The following AFG3L2 variants were observed in gnomAD, a reference collection of about 807,000 sequenced individuals.
AFG3L2 encodes the protein mitochondrial inner membrane m-AAA protease component AFG3L2.
In AFG3L2, 54 loss-of-function variants were observed where a neutral mutation model predicts 94.5. The ratio of observed to expected loss-of-function variants is 0.57; its 90% confidence interval spans 0.46 to 0.72. The LOEUF (loss-of-function observed/expected upper bound fraction) is 0.72. Ranked by LOEUF, AFG3L2 falls within the 30% of genes least tolerant of loss-of-function variation. The pLI is 0.00. For missense variants in AFG3L2, 754 were observed against 994.9 expected, an observed-to-expected ratio of 0.76 and a Z score of 3.26; for synonymous variants, 377 against 365.5, an observed-to-expected ratio of 1.03 and a Z score of -0.36.
intron 1 of AFG3L2, among the ~76,000 whole-genome samples, chr18:12,375,144 C>T (rs1909106990): frequency 6.6e-6 from 1 of 151,614 alleles, no homozygotes; most frequent in African/African-American, 2.4e-5. Context: ...AAGGACCTAC[C>T]ACACGGCAGC....
chr18:12,328,975 ATTT>A lies in AFG3L2; in HGVS notation c.*587_*589del, dbSNP rs1168480963. On this transcript the variant is annotated 3_prime_UTR_variant, in exon 17 of 17. Transcript: ENST00000269143. ...CAGAAAAGTACAGTGTTGACATTTT[ATTT>A]TTTATGTAAAGAAGCCATATTTACA... 1 of 575,152 alleles carries A rather than the reference ATTT, an allele frequency of 1.7e-6. No homozygotes were observed. The highest frequency in any genetic ancestry group is 1.9e-5 in the African/African-American group (1 of 53,818). 35.6% of individuals were successfully genotyped at this position (575,152 alleles called of 1,614,324 possible). A position where few individuals can be genotyped will look rare whatever the true frequency, so the allele number is the denominator to read the frequency against.
intron 7 of AFG3L2, 64 bp from the exon 8 acceptor site, chr18:12,359,007 G>T: frequency 6.4e-7 from 1 of 1,555,170 alleles, no homozygotes; most frequent in Non-Finnish European, 8.7e-7. Flanking sequence ...CACATGTGGT[G>T]CAAGATATCA....
intron 15 of AFG3L2, among the ~76,000 whole-genome samples, chr18:12,338,251 G>A (rs1907817604): frequency 6.6e-6 from 1 of 152,068 alleles, no homozygotes; most frequent in Non-Finnish European, 1.5e-5. Context: ...ATTACTATCT[G>A]CACAAGAGAA....
At chr18:12,331,086 G>C (rs1427781459) in intron 16 of AFG3L2, among the ~76,000 whole-genome samples, 1 of 152,190 alleles carries the variant, frequency 6.6e-6, no homozygotes, top group Non-Finnish European at 1.5e-5. Context: ...TGGTGGTCCC[G>C]TAAGATTATA....
At position 12,367,012 on chromosome 18, in the gene AFG3L2, C is replaced by A; in HGVS notation, c.505G>T (p.Glu169Ter). ...TTGACAAAGTCCTTCCAAGTGATTT[C>A]TCTCCCGGATCTCTTGAGCAGCAAG... ...FYLLLKRSGR[E>*]ITWKDFVNNY... The change falls in exon 5 of 17, where the codon GAA (glutamate) becomes TAA (stop). Residue 169 changes from glutamate (E) to a stop codon, truncating the protein, a stop_gained. Transcript: ENST00000269143. LOFTEE classifies it high-confidence loss of function. 2 of 1,614,222 alleles carry A rather than the reference C, an allele frequency of 1.2e-6. No individual in the cohort carries two copies. The highest frequency in any genetic ancestry group is 1.7e-6 in the Non-Finnish European group (2 of 1,180,040).
At chr18:12,362,998 G>A (rs1373736193) in intron 6 of AFG3L2, among the ~76,000 whole-genome samples, 1 of 152,206 alleles carries the variant, frequency 6.6e-6, no homozygotes, top group Admixed American at 6.5e-5. Context: ...GAGGGAATGG[G>A]AAATCAAGAC....
At chr18:12,332,123 ATTTTT>A (rs10689491) in intron 16 of AFG3L2, among the ~76,000 whole-genome samples, 1 of 131,710 alleles carries the variant, frequency 7.6e-6, no homozygotes. Flanking sequence ...TCATAAAATG[ATTTTT>A]TTTTTTTTTT....
At chr18:12,362,954 G>A (rs942362393) in intron 6 of AFG3L2, among the ~76,000 whole-genome samples, 6 of 152,174 alleles carry the variant, frequency 3.9e-5, no homozygotes, top group Admixed American at 1.3e-4. Context: ...TGAGGATAAA[G>A]CACGGTTATT....
At chr18:12,332,954 TATACTATAATATATTATATATTATATA>T (rs1178358796) in intron 16 of AFG3L2, among the ~76,000 whole-genome samples, 3 of 116,372 alleles carry the variant, frequency 2.6e-5, no homozygotes, top group African/African-American at 9.7e-5. Flanking sequence ...TAATATATTA[TATACTATAATATATTATATATTATATA>T]AATATATTAT....
chr18:12,362,884 A>G (rs1908703465), intron 6 of AFG3L2, among the ~76,000 whole-genome samples: 2 of 150,670 alleles, frequency 1.3e-5, no homozygotes, highest in African/African-American at 5.0e-5. Flanking sequence ...ACAGTGCTGG[A>G]ACACACGTTG....
intron 15 of AFG3L2, 126 bp from the exon 16 acceptor site, chr18:12,337,661 GC>G: frequency 2.5e-6 from 2 of 808,192 alleles, no homozygotes; most frequent in South Asian, 2.9e-5. Flanking sequence ...AGCAGCAGCA[GC>G]AGCACAGTGC....
chr18:12,355,208 T>A lies in AFG3L2; in HGVS notation c.1164+1486A>T, dbSNP rs1379065887. 1.2e-3 allele frequency among the ~76,000 whole-genome samples: 173 copies of A among 139,190 alleles called. 1 individual carries two copies. The highest frequency in any genetic ancestry group is 4.2e-3 in the African/African-American group (154 of 36,638). The allele number at this position is 139,190 out of a possible 152,430, so 91.3% of individuals were successfully genotyped here. A position where few individuals can be genotyped will look rare whatever the true frequency, so the allele number is the denominator to read the frequency against. On this transcript the variant is annotated intron_variant, in intron 9 of 16. Transcript: ENST00000269143. The stretch of plus-strand genomic sequence containing the variant: ...AGCAAGACTCCATCTCAAAAAAAAT[T>A]AAAAAAAAAAAAAAAGAACTCTTAC...
chr18:12,338,493 A>C (rs1489964352), intron 15 of AFG3L2, among the ~76,000 whole-genome samples: 4 of 152,150 alleles, frequency 2.6e-5, no homozygotes, highest in Non-Finnish European at 2.9e-5. Context: ...ACAAAGGAGG[A>C]GGCTTCTGCA....
chr18:12,333,287 AATATATAAAT>A (rs1251957972), intron 16 of AFG3L2, among the ~76,000 whole-genome samples: 1 of 130,542 alleles, frequency 7.7e-6, no homozygotes, highest in Non-Finnish European at 1.6e-5. Context: ...GATTATATAT[AATATATAAAT>A]ATATATTATA....
intron 16 of AFG3L2, among the ~76,000 whole-genome samples, chr18:12,332,400 G>A (rs1031173945): frequency 6.6e-6 from 1 of 151,992 alleles, no homozygotes; most frequent in Admixed American, 6.6e-5. Context: ...CACCTGGCCA[G>A]ACTTATTTCT....
chr18:12,361,130 G>A (rs1293535691), intron 6 of AFG3L2, among the ~76,000 whole-genome samples: 1 of 152,144 alleles, frequency 6.6e-6, no homozygotes, highest in Non-Finnish European at 1.5e-5. Flanking sequence ...CAGCACTTTG[G>A]GAAGCCCAGG....
At chr18:12,351,034 T>C (rs931434708) in intron 12 of AFG3L2, 51 bp downstream of exon 12, 1 of 1,608,648 alleles carries the variant, frequency 6.2e-7, no homozygotes. Context: ...CTGGTAACTG[T>C]TACTGATTTT....
chr18:12,329,114 G>T lies in AFG3L2; in HGVS notation c.*451C>A, dbSNP rs1045301825. ...TTAAAATATTAAGTCAAATTAAAAT[G>T]TTCTTATCAAGACTCCAATTTAATT... On this transcript the variant is annotated 3_prime_UTR_variant, in exon 17 of 17. Transcript: ENST00000269143. 4 of 702,704 alleles carry T rather than the reference G, an allele frequency of 5.7e-6. No individual in the cohort carries two copies. Among genetic ancestry groups the T allele is most frequent in the East Asian group, 5.4e-5 (2 of 37,304 alleles). 43.5% of individuals were successfully genotyped at this position (702,704 alleles called of 1,614,324 possible).
At chr18:12,365,057 A>AT (rs1467722745) in intron 5 of AFG3L2, among the ~76,000 whole-genome samples, 5 of 152,178 alleles carry the variant, frequency 3.3e-5, no homozygotes, top group African/African-American at 7.2e-5. Flanking sequence ...GGATGTGCTT[A>AT]TTTCTAACTG....
Sources: allele counts gnomAD v4.1 joint callset (sites outside exome capture counted in the v4.1 genomes callset), GRCh38; gene constraint gnomAD v4.1.1; transcripts MANE v1.5; gene names NCBI Gene and HGNC (gene_info 2026-07-23, HGNC 2026-07-21).